The following PVALEF variants were observed in gnomAD, a reference collection of about 807,000 sequenced individuals.
The protein encoded by PVALEF is parvalbumin-like EF-hand-containing protein.
A neutral mutation model predicts 1.2 loss-of-function variants in PVALEF; 2 were observed. The observed-to-expected ratio is 1.68, with a 90% CI of 0.69 to 5.28. The LOEUF (loss-of-function observed/expected upper bound fraction) is 5.28. Ranked by LOEUF, PVALEF falls within the 30% of genes most tolerant of loss-of-function variation. The pLI, the probability that PVALEF is intolerant of heterozygous loss-of-function variation, is 0.06. For missense variants in PVALEF, 35 were observed against 17.7 expected (o/e 1.97, Z -1.75); for synonymous variants, 16 against 6.5 (o/e 2.47, Z -2.24).
At chr17:81,182,333 T>C (rs545403700) in intron 6 of PVALEF, among the ~76,000 whole-genome samples, 131 of 152,188 alleles carry the variant, frequency 8.6e-4, no homozygotes, top group African/African-American at 3.1e-3. Context: ...GAGCTCGGGG[T>C]GCCATCTTCT....
At chr17:81,181,759 G>A (rs1236317643) in intron 5 of PVALEF, 65 bp downstream of exon 5, 1 of 398,636 alleles carries the variant, frequency 2.5e-6, no homozygotes, top group East Asian at 3.6e-5. Context: ...ATGCCCACAT[G>A]GCGGACCCGG....
intron 2 of PVALEF, among the ~76,000 whole-genome samples, chr17:81,167,446 T>A (rs1467476472): frequency 1.3e-5 from 2 of 152,242 alleles, no homozygotes; most frequent in Non-Finnish European, 2.9e-5. Context: ...GGTTGGGGGC[T>A]GTGGAGCAGG....
chr17:81,167,279 A>G (rs1194858386), intron 2 of PVALEF, among the ~76,000 whole-genome samples: 6 of 111,848 alleles, frequency 5.4e-5, no homozygotes, highest in Non-Finnish European at 6.3e-5. Flanking sequence ...GGTGACAACA[A>G]GATCTTGTCT....
chr17:81,166,385 G>A (rs1162268988), intron 1 of PVALEF, among the ~76,000 whole-genome samples: 1 of 75,394 alleles, frequency 1.3e-5, no homozygotes, highest in Non-Finnish European at 2.8e-5. Flanking sequence ...GACACGGAGG[G>A]GAGGCATGGA....
chr17:81,170,092 GTGT>G (rs1034808186), intron 2 of PVALEF, among the ~76,000 whole-genome samples: 1 of 151,226 alleles, frequency 6.6e-6, no homozygotes. Context: ...GTGTAGGTGT[GTGT>G]TGGTTTGTGT....
At chr17:81,173,037 C>A (rs555094285) in intron 2 of PVALEF, among the ~76,000 whole-genome samples, 7 of 152,180 alleles carry the variant, frequency 4.6e-5, no homozygotes, top group Non-Finnish European at 1.0e-4. Flanking sequence ...CACAGTGAAG[C>A]GTCTCCTTCC....
intron 1 of PVALEF, chr17:81,166,121 G>T: frequency 2.4e-6 from 1 of 415,358 alleles, no homozygotes; most frequent in Non-Finnish European, 3.2e-6. Flanking sequence ...CGCGCCCCGC[G>T]CCCCCCGCCG....
intron 6 of PVALEF, 51 bp downstream of exon 6, chr17:81,182,132 G>A: frequency 2.5e-6 from 1 of 398,608 alleles, no homozygotes; most frequent in Non-Finnish European, 4.4e-6. Context: ...CCCCTGCTAG[G>A]CCGCCACCCT....
At chr17:81,167,665 C>T (rs550352963) in intron 2 of PVALEF, among the ~76,000 whole-genome samples, 27 of 152,226 alleles carry the variant, frequency 1.8e-4, no homozygotes, top group Non-Finnish European at 3.5e-4. Flanking sequence ...CCTGTGCCCT[C>T]AGACCTTAGG....
chr17:81,165,797 G>A lies in PVALEF; in HGVS notation c.-508+50G>A, dbSNP rs767225049. The A allele has an allele frequency of 4.7e-6, 7 of 1,503,634 alleles. No individual in the cohort carries two copies. In the Middle Eastern group the frequency reaches 7.6e-4, roughly 162 times the overall value. 93.1% of individuals were successfully genotyped at this position (1,503,634 alleles called of 1,614,324 possible). On this transcript the variant is annotated intron_variant, in intron 1 of 6. Transcript: ENST00000637878. ...CCCCTCCGAGATCTGGGGCCGCCAG[G>A]GGGTCCGGCTGCTTCTGCTGCTGGG... is the stretch of plus-strand genomic sequence containing the variant.
intron 2 of PVALEF, among the ~76,000 whole-genome samples, chr17:81,173,719 A>G (rs2061527843): frequency 6.6e-6 from 1 of 152,228 alleles, no homozygotes; most frequent in South Asian, 2.1e-4. Context: ...TCACTGGCGA[A>G]TGCCACCAAA....
Position 81,179,023 on chromosome 17 carries a change from G to A in PVALEF, c.-234G>A, listed in dbSNP as rs111708941. On this transcript the variant is annotated 5_prime_UTR_variant, in exon 3 of 7. Transcript: ENST00000637878. Reference sequence around the variant, plus strand: ...GCTGCCCGTGCCAGGCTGGAGTGCCGGGGAGGGGCGAGGACAGCTGCAGCC... The same window carrying A: ...GCTGCCCGTGCCAGGCTGGAGTGCCAGGGAGGGGCGAGGACAGCTGCAGCC... 3.5e-3 allele frequency: 1,580 copies of A among 451,338 alleles called. 24 individuals carry two copies. Among genetic ancestry groups the A allele is most frequent in the African/African-American group, 0.029 (1,427 of 50,024 alleles). 28.0% of individuals were successfully genotyped at this position (451,338 alleles called of 1,614,324 possible).
chr17:81,167,153 C>T (rs1215542483), intron 2 of PVALEF, among the ~76,000 whole-genome samples: 1 of 152,188 alleles, frequency 6.6e-6, no homozygotes, highest in Non-Finnish European at 1.5e-5. Context: ...ATGAGCCAGG[C>T]ATGGTGGCGC....
intron 2 of PVALEF, among the ~76,000 whole-genome samples, chr17:81,172,862 G>A (rs1324445226): frequency 7.2e-5 from 11 of 152,110 alleles, no homozygotes. Context: ...TTGTGGAGAC[G>A]TGGTAAGATG....
chr17:81,171,788 G>A (rs959946811), intron 2 of PVALEF, among the ~76,000 whole-genome samples: 5 of 152,246 alleles, frequency 3.3e-5, no homozygotes, highest in East Asian at 1.9e-4. Context: ...CACCGTGCCC[G>A]GCCACATATT....
Position 81,165,759 on chromosome 17 carries a change from G to C in PVALEF, c.-508+12G>C, listed in dbSNP as rs1388325436. 5.3e-6 allele frequency: 8 copies of C among 1,519,686 alleles called. No homozygotes were observed. The highest frequency in any genetic ancestry group is 7.1e-6 in the Non-Finnish European group (8 of 1,131,816). 94.1% of individuals were successfully genotyped at this position (1,519,686 alleles called of 1,614,324 possible). The stretch of plus-strand genomic sequence containing the variant: ...ACAGGCGGAGGCCGGTTTGTGCTGG[G>C]GCCCAGGGCCTGCCCCTCCGAGATC... On this transcript the variant is annotated intron_variant, in intron 1 of 6. Coordinates refer to ENST00000637878, the MANE Select transcript of PVALEF (RefSeq NM_001354639.2).
intron 2 of PVALEF, 114 bp downstream of exon 2, chr17:81,166,958 AG>A: frequency 3.2e-6 from 1 of 316,126 alleles, no homozygotes; most frequent in Non-Finnish European, 6.4e-6. Context: ...GGGGCGGGGC[AG>A]GGTCCCCCCA....
Position 81,170,087 on chromosome 17 carries a change from GGT to G in PVALEF, c.-340+3250_-340+3251del, listed in dbSNP as rs1394634258. ...GTGTGTATGTGTGTGCATATGTGTA[GGT>G]GTGTGTTGGTTTGTGTGTCTGCATA... On this transcript the variant is annotated intron_variant, in intron 2 of 6. Transcript: ENST00000637878. Among the ~76,000 whole-genome samples, 22 of 150,144 alleles carry G rather than the reference GGT, an allele frequency of 1.5e-4. 1 individual carries two copies. The highest frequency in any genetic ancestry group is 3.9e-4 in the East Asian group (2 of 5,088).
chr17:81,166,509 G>T (rs1420051009), intron 1 of PVALEF, among the ~76,000 whole-genome samples, 168 bp from the exon 2 acceptor site: 10 of 102,208 alleles, frequency 9.8e-5, no homozygotes, highest in African/African-American at 3.2e-4. Flanking sequence ...CTGGCGGGGG[G>T]GGGGGAAACG....
Sources: gnomAD v4.1 joint callset for allele counts (sites outside exome capture counted in the v4.1 genomes callset) on GRCh38, gnomAD v4.1.1 for gene constraint, MANE v1.5 for transcripts, NCBI Gene and HGNC (gene_info 2026-07-23, HGNC 2026-07-21) for gene names.